CDH13: variants seen among roughly 807,000 people sequenced by gnomAD.
CDH13 encodes the protein cadherin-13.
CDH13 carries 24 observed loss-of-function variants against 63.8 expected under a neutral mutation model. That is an observed-to-expected ratio of 0.38 (90% CI 0.27 to 0.53). The LOEUF is 0.53. Ranked by LOEUF, CDH13 falls within the 20% of genes least tolerant of loss-of-function variation. The pLI is 0.85. For synonymous variants in CDH13, 503 were observed against 355.3 expected (o/e 1.42, Z -4.67); for missense variants, 1,049 against 903.1 (o/e 1.16, Z -2.07).
At chr16:83,662,399 C>G (rs938134557) in intron 8 of CDH13, among the ~76,000 whole-genome samples, 1 of 152,094 alleles carries the variant, frequency 6.6e-6, no homozygotes, top group East Asian at 1.9e-4. Context: ...ACAAAATTGT[C>G]CGTAGAAGAA....
chr16:83,509,005 G>A (rs1405507417), intron 7 of CDH13, among the ~76,000 whole-genome samples: 1 of 152,128 alleles, frequency 6.6e-6, no homozygotes, highest in Non-Finnish European at 1.5e-5. Context: ...GAGTGCCTGT[G>A]GGGTCTGCAT....
At chr16:83,432,798 G>A (rs2072162452) in intron 6 of CDH13, among the ~76,000 whole-genome samples, 1 of 152,312 alleles carries the variant, frequency 6.6e-6, no homozygotes, top group South Asian at 2.1e-4. Flanking sequence ...CCCTGATCAG[G>A]AAGTGCAAAC....
intron 2 of CDH13, among the ~76,000 whole-genome samples, chr16:82,900,820 T>A (rs566390762): frequency 1.3e-5 from 2 of 152,200 alleles, no homozygotes; most frequent in Non-Finnish European, 2.9e-5. Flanking sequence ...TCTGGCTGGG[T>A]AAATGCCAAG....
At chr16:83,054,050 G>A (rs758762945) in intron 3 of CDH13, among the ~76,000 whole-genome samples, 1 of 152,128 alleles carries the variant, frequency 6.6e-6, no homozygotes, top group Non-Finnish European at 1.5e-5. Flanking sequence ...ACTGCATACA[G>A]TATTCAGCAC....
intron 7 of CDH13, among the ~76,000 whole-genome samples, chr16:83,488,614 A>C (rs2073945503): frequency 6.6e-6 from 1 of 151,502 alleles, no homozygotes. Context: ...CTATTTTTTT[A>C]TTTTTTTATT....
intron 2 of CDH13, among the ~76,000 whole-genome samples, chr16:82,918,589 A>G (rs1372121149): frequency 6.6e-6 from 1 of 150,752 alleles, no homozygotes; most frequent in Non-Finnish European, 1.5e-5. Flanking sequence ...GATCCCTGGA[A>G]CTTCTGCCTC....
chr16:83,352,345 C>T (rs189283751), intron 6 of CDH13, among the ~76,000 whole-genome samples: 87 of 152,278 alleles, frequency 5.7e-4, no homozygotes, highest in African/African-American at 1.9e-3. Flanking sequence ...AAGAGGAAAG[C>T]GAATGCTTAT....
chr16:83,417,705 C>T (rs1419028956), intron 6 of CDH13, among the ~76,000 whole-genome samples: 2 of 152,200 alleles, frequency 1.3e-5, no homozygotes, highest in African/African-American at 2.4e-5. Context: ...GCTCCTCTTA[C>T]GAAGCAGACA....
chr16:82,899,354 C>T (rs2041379382), intron 2 of CDH13, among the ~76,000 whole-genome samples: 1 of 152,148 alleles, frequency 6.6e-6, no homozygotes, highest in Non-Finnish European at 1.5e-5. Context: ...ATTCATTGAT[C>T]TTAACAATAC....
rs1251653671 is a variant in CDH13 at position 83,796,597 on chromosome 16, C to G, written c.*1567C>G. The G allele has an allele frequency of 3.9e-5, 6 of 152,052 alleles. No homozygotes were observed. Among genetic ancestry groups the G allele is most frequent in the Non-Finnish European group, 7.3e-5 (5 of 68,028 alleles). The allele number at this position is 152,052 out of a possible 1,614,324, so 9.4% of individuals were successfully genotyped here. On this transcript the variant is annotated 3_prime_UTR_variant, in exon 14 of 14. Transcript: ENST00000567109. Reference sequence around the variant, plus strand: ...AATAAATGGGTATTGGTGGTTAAAACTGCTGGACAGTAACTGTTCTCTGAT... The same window carrying G: ...AATAAATGGGTATTGGTGGTTAAAAGTGCTGGACAGTAACTGTTCTCTGAT...
rs577501239 is a variant in CDH13, at chr16:83,080,015, A to G, written c.367-45370A>G. Among the ~76,000 whole-genome samples, 4 of 152,366 alleles carry G rather than the reference A, an allele frequency of 2.6e-5. No individual in the cohort carries two copies. In the East Asian group the frequency reaches 5.8e-4, roughly 22 times the overall value. On this transcript the variant is annotated intron_variant, in intron 3 of 13. Transcript: ENST00000567109. ...ACGTTTGGACTAATAAAAATGACATATCTGTCTCATCCCTTTTCAAGGAAG... is the reference window on the plus strand; with the variant it reads ...ACGTTTGGACTAATAAAAATGACATGTCTGTCTCATCCCTTTTCAAGGAAG...
intron 7 of CDH13, among the ~76,000 whole-genome samples, chr16:83,572,462 C>T (rs1381042144): frequency 1.3e-5 from 2 of 152,048 alleles, no homozygotes; most frequent in Admixed American, 6.5e-5. Context: ...TTCTAAAACT[C>T]TCTTTCATTC....
At chr16:83,335,969 G>A (rs953068215) in intron 5 of CDH13, among the ~76,000 whole-genome samples, 5 of 152,032 alleles carry the variant, frequency 3.3e-5, no homozygotes, top group East Asian at 1.9e-4. Context: ...TTTTGTCTGC[G>A]GCTTGTCCTG....
intron 6 of CDH13, among the ~76,000 whole-genome samples, chr16:83,418,955 A>G (rs1597975490): frequency 6.6e-6 from 1 of 152,250 alleles, no homozygotes; most frequent in African/African-American, 2.4e-5. Flanking sequence ...GGAATGGCAA[A>G]GCCCCCTAAA....
At chr16:83,071,624 T>G (rs1019580570) in intron 3 of CDH13, among the ~76,000 whole-genome samples, 1 of 152,196 alleles carries the variant, frequency 6.6e-6, no homozygotes, top group Non-Finnish European at 1.5e-5. Flanking sequence ...TAATAATTCA[T>G]GAAGTTGGCT....
chr16:83,485,079 C>G (rs938468835), intron 6 of CDH13, among the ~76,000 whole-genome samples: 1 of 152,112 alleles, frequency 6.6e-6, no homozygotes, highest in Admixed American at 6.6e-5. Flanking sequence ...ACATTAGAAC[C>G]CATTAGATCT....
chr16:83,516,425 T>A (rs1448633154), intron 7 of CDH13, among the ~76,000 whole-genome samples: 2 of 152,220 alleles, frequency 1.3e-5, no homozygotes, highest in African/African-American at 4.8e-5. Context: ...AAGCTAAGTA[T>A]AAGGCAGAAT....
At chr16:83,019,836 T>TAAAAAAAAA (rs562381483) in intron 2 of CDH13, among the ~76,000 whole-genome samples, 1 of 100,812 alleles carries the variant, frequency 9.9e-6, no homozygotes, top group Non-Finnish European at 2.0e-5. Flanking sequence ...GAGTACACTC[T>TAAAAAAAAA]AAAAAAAAAA....
At chr16:83,522,270 C>T (rs1382893868) in intron 7 of CDH13, among the ~76,000 whole-genome samples, 3 of 152,154 alleles carry the variant, frequency 2.0e-5, no homozygotes, top group Non-Finnish European at 4.4e-5. Context: ...TAATGGATCA[C>T]GTCAAAATGT....
Sources: allele counts gnomAD v4.1 joint callset (sites outside exome capture counted in the v4.1 genomes callset), GRCh38; gene constraint gnomAD v4.1.1; transcripts MANE v1.5; gene names NCBI Gene and HGNC (gene_info 2026-07-23, HGNC 2026-07-21).